Variants in DMD observed in about 807,000 individuals in gnomAD.
The protein encoded by DMD is dystrophin.
Under a neutral mutation model 330.1 loss-of-function variants are expected in DMD, and 63 were observed. The ratio of observed to expected loss-of-function variants is 0.19; its 90% CI spans 0.16 to 0.24. DMD has a LOEUF of 0.24. Ranked by LOEUF, DMD falls within the 10% of genes least tolerant of loss-of-function variation. The pLI is 1.00. For missense variants in DMD, 3,344 were observed against 2,684.1 expected (o/e 1.25, Z -5.43); for synonymous variants, 1,223 against 959.8 (o/e 1.27, Z -5.07).
At chrX:32,750,923 G>A (rs2070728618) in intron 7 of DMD, among the ~76,000 whole-genome samples, 1 of 111,385 alleles carries the variant, frequency 9.0e-6, no homozygotes, top group African/African-American at 3.3e-5. Context: ...TTTGTAAGGG[G>A]GAGTTTCCCC....
chrX:32,741,326 A>G (rs2069236133), intron 7 of DMD, among the ~76,000 whole-genome samples: 1 of 111,676 alleles, frequency 9.0e-6, no homozygotes, highest in Non-Finnish European at 1.9e-5. Flanking sequence ...AAACATGTAC[A>G]ATTAGCCTCC....
chrX:32,193,842 C>A, intron 44 of DMD, among the ~76,000 whole-genome samples: 1 of 111,397 alleles, frequency 9.0e-6, no homozygotes, highest in Non-Finnish European at 1.9e-5. Flanking sequence ...GTGTTACATT[C>A]CATTTCACAG....
intron 1 of DMD, among the ~76,000 whole-genome samples, chrX:33,308,242 T>G (rs1446920415): frequency 4.5e-5 from 5 of 112,126 alleles, no homozygotes; most frequent in African/African-American, 1.3e-4. Context: ...TAGTTTGCCT[T>G]CCTTCCTACA....
chrX:33,009,945 CGTGTGT>C lies in DMD; in HGVS notation c.93+10188_93+10193del, dbSNP rs1365423232. On this transcript the variant is annotated intron_variant, in intron 2 of 78. Transcript: ENST00000357033. ...GTGTATACACATGTGTGTATATACA[CGTGTGT>C]ATGTGTATATACACATATGTGTGTA... 7.6e-3 allele frequency among the ~76,000 whole-genome samples: 365 copies of C among 48,002 alleles called. 74 individuals are homozygous for C. Among genetic ancestry groups the C allele is most frequent in the African/African-American group, 0.044 (331 of 7,606 alleles). The allele number at this position is 48,002 out of a possible 115,157, so 41.7% of individuals were successfully genotyped here.
chrX:33,022,765 A>G (rs967988943), intron 1 of DMD, among the ~76,000 whole-genome samples: 1 of 111,522 alleles, frequency 9.0e-6, no homozygotes, highest in African/African-American at 3.2e-5. Flanking sequence ...CATTGACCAG[A>G]TATCTATCAT....
intron 7 of DMD, among the ~76,000 whole-genome samples, chrX:32,738,174 T>G (rs151298191): frequency 9.0e-6 from 1 of 111,689 alleles, no homozygotes; most frequent in South Asian, 3.7e-4. Flanking sequence ...GTTTGAACAT[T>G]TTCTAGGCAT....
chrX:33,009,258 ATG>A lies in DMD; in HGVS notation c.93+10879_93+10880del, dbSNP rs1465087727. On this transcript the variant is annotated intron_variant, in intron 2 of 78. Coordinates refer to ENST00000357033, the MANE Select transcript of DMD (RefSeq NM_004006.3). ...TATATACACATGTGCATATATGTGTATGTGTGTATATATACACATATGTGTAT... is the reference window on the plus strand; with the variant it reads ...TATATACACATGTGCATATATGTGTATGTGTATATATACACATATGTGTAT... 3.2e-4 allele frequency among the ~76,000 whole-genome samples: 13 copies of A among 41,071 alleles called. 2 individuals carry two copies. Among genetic ancestry groups the A allele is most frequent in the South Asian group, 2.5e-3 (2 of 814 alleles). The allele number at this position is 41,071 out of a possible 115,157, so 35.7% of individuals were successfully genotyped here. A position where few individuals can be genotyped will look rare whatever the true frequency, so the allele number is the denominator to read the frequency against.
chrX:32,394,925 A>AAAAACAAC (rs1343477696), intron 30 of DMD, among the ~76,000 whole-genome samples: 5 of 95,646 alleles, frequency 5.2e-5, no homozygotes, highest in African/African-American at 1.8e-4. Flanking sequence ...ACAAAAAAAA[A>AAAAACAAC]AAAAAAAAGA....
chrX:31,261,397 C>G (rs191334486), intron 62 of DMD: 1 of 192,595 alleles, frequency 5.2e-6, no homozygotes, highest in East Asian at 1.3e-4. Context: ...GATTATTATT[C>G]AACTCTGTCA....
chrX:32,279,719 T>C (rs1029010032), intron 43 of DMD, among the ~76,000 whole-genome samples: 1 of 108,839 alleles, frequency 9.2e-6, no homozygotes, highest in Non-Finnish European at 1.9e-5. Flanking sequence ...GTACAAAAAA[T>C]AGTTAGAAAG....
intron 44 of DMD, among the ~76,000 whole-genome samples, chrX:32,076,077 A>AC (rs1226456190): frequency 4.1e-5 from 4 of 97,133 alleles, no homozygotes; most frequent in African/African-American, 1.5e-4. Flanking sequence ...AAAAAAAAAA[A>AC]AAAAAAAAAA....
At chrX:32,993,671 A>T (rs1204336089) in intron 2 of DMD, among the ~76,000 whole-genome samples, 1 of 110,990 alleles carries the variant, frequency 9.0e-6, no homozygotes, top group East Asian at 2.8e-4. Flanking sequence ...ATATACTAAA[A>T]ATGCCACCTT....
At chrX:31,812,444 C>T (rs922675564) in intron 50 of DMD, among the ~76,000 whole-genome samples, 2 of 103,454 alleles carry the variant, frequency 1.9e-5, no homozygotes. Context: ...GGAGGGATAG[C>T]ATTAGGAGAT....
rs949812431 is a variant in DMD at position 32,098,554 on chromosome X, C to T, written c.6438+118362G>A. Among the ~76,000 whole-genome samples, 11 of 111,878 alleles carry T rather than the reference C, an allele frequency of 9.8e-5. No homozygotes were observed. In the Admixed American group the frequency reaches 1.0e-3, roughly 11 times the overall value. ...TTGGAAAACACTGATGTTTCTAACT[C>T]ATTCTAGATATTTCATTCTCTCTTT... is the stretch of plus-strand genomic sequence containing the variant. On this transcript the variant is annotated intron_variant, in intron 44 of 78. Coordinates refer to ENST00000357033, the MANE Select transcript of DMD (RefSeq NM_004006.3).
chrX:31,232,340 C>A (rs1040890337), intron 63 of DMD, among the ~76,000 whole-genome samples: 1 of 110,757 alleles, frequency 9.0e-6, no homozygotes, highest in Non-Finnish European at 1.9e-5. Context: ...TGAAACTCTA[C>A]CAGGTTGATA....
chrX:32,518,190 A>G, intron 17 of DMD, 59 bp from the exon 18 acceptor site: 3 of 1,098,561 alleles, frequency 2.7e-6, no homozygotes, highest in Non-Finnish European at 3.7e-6. Context: ...TCTATATTAA[A>G]AAAAGCAATT....
At chrX:32,102,423 A>C (rs1275228060) in intron 44 of DMD, among the ~76,000 whole-genome samples, 2 of 111,564 alleles carry the variant, frequency 1.8e-5, no homozygotes, top group African/African-American at 6.5e-5. Flanking sequence ...GATCAGGTGG[A>C]TGAAGGACAG....
intron 44 of DMD, among the ~76,000 whole-genome samples, chrX:32,197,848 T>A (rs1238857229): frequency 9.0e-6 from 1 of 111,417 alleles, no homozygotes; most frequent in Non-Finnish European, 1.9e-5. Context: ...TGAGAACACT[T>A]AAAATCGACT....
intron 2 of DMD, among the ~76,000 whole-genome samples, chrX:32,879,280 C>T (rs1009359608): frequency 3.6e-5 from 4 of 111,126 alleles, no homozygotes; most frequent in African/African-American, 9.8e-5. Flanking sequence ...GTTCTTGGGC[C>T]GCTGGGAAGC....
Sources: gnomAD v4.1 joint callset for allele counts (sites outside exome capture counted in the v4.1 genomes callset) on GRCh38, gnomAD v4.1.1 for gene constraint, MANE v1.5 for transcripts, NCBI Gene and HGNC (gene_info 2026-07-23, HGNC 2026-07-21) for gene names.